MTMR8: variants seen among roughly 807,000 people sequenced by gnomAD.
The protein encoded by MTMR8 is phosphatidylinositol-3,5-bisphosphate 3-phosphatase MTMR8.
A neutral mutation model predicts 39.3 loss-of-function variants in MTMR8; 65 were observed. The observed-to-expected ratio is 1.65, with a 90% CI of 1.35 to 2.03. The LOEUF is 2.03. Ranked by LOEUF, MTMR8 falls within the 30% of genes most tolerant of loss-of-function variation. The pLI is 0.00. For missense variants in MTMR8, 777 were observed against 538.9 expected, an observed-to-expected ratio of 1.44 and a Z score of -4.37; for synonymous variants, 245 against 185.2, an observed-to-expected ratio of 1.32 and a Z score of -2.62.
intron 12 of MTMR8, among the ~76,000 whole-genome samples, chrX:64,316,166 T>C (rs1033423452): frequency 1.8e-5 from 2 of 112,450 alleles, no homozygotes; most frequent in African/African-American, 3.2e-5. Flanking sequence ...GAAAAGTCTA[T>C]TGTATTTATA....
At position 64,350,020 on chromosome X, in the gene MTMR8, C is replaced by T. The variant is rs771745691; in HGVS notation, c.519G>A (p.Leu173=). 5 of 1,193,172 alleles carry T rather than the reference C, an allele frequency of 4.2e-6. No individual in the cohort carries two copies. The South Asian group carries it at 7.5e-5, about 18-fold the overall frequency. The change falls in exon 5 of 14, where the codon TTG becomes TTA. Residue 173 remains leucine, a synonymous_variant. Coordinates refer to ENST00000374852, the MANE Select transcript of MTMR8 (RefSeq NM_017677.4). The part of the protein sequence containing the change: ...PEIVVPKSVT[L]GTVVGSSKFR... ...ACTTTGAACTTCCAACCACCGTTCC[C>T]AAGGTAACAGATTTAGGAACCACTA...
At chrX:64,354,957 GA>G in intron 3 of MTMR8, 23 bp from the exon 4 acceptor site, 2 of 1,139,188 alleles carry the variant, frequency 1.8e-6, no homozygotes, top group Non-Finnish European at 2.3e-6. Context: ...GATAGGCATG[GA>G]AAACAAAATG....
Position 64,328,767 on chromosome X carries a change from C to T in MTMR8, c.1481+5G>A. ...AAGAAAGGAGGGAAAAACTTAAGAA[C>T]TTACTGAATGTTGTAGGGCACAGTA... On this transcript the variant is annotated splice_donor_5th_base_variant and intron_variant, in intron 12 of 13. Coordinates refer to ENST00000374852, the MANE Select transcript of MTMR8 (RefSeq NM_017677.4). 1 of 1,151,481 alleles carries T rather than the reference C, an allele frequency of 8.7e-7. No individual in the cohort carries two copies. The highest frequency in any genetic ancestry group is 1.2e-6 in the Non-Finnish European group (1 of 868,907). The allele number at this position is 1,151,481 out of a possible 1,213,427, so 94.9% of individuals were successfully genotyped here. A position where few individuals can be genotyped will look rare whatever the true frequency, so the allele number is the denominator to read the frequency against.
Position 64,348,748 on chromosome X carries a change from C to G in MTMR8, c.644G>C (p.Arg215Pro), listed in dbSNP as rs1015018626. 1.7e-6 allele frequency: 2 copies of G among 1,210,453 alleles called. No individual in the cohort carries two copies. Among genetic ancestry groups the G allele is most frequent in the Non-Finnish European group, 2.2e-6 (2 of 894,695 alleles). ...CAACAAGAGCTCATCATCTACACAG[C>G]GAGTGTAAAATCCAGAGAGAGGCTG... Reference protein sequence around the residue: ...CSQPLSGFYTRCVDDELLLEA... With the variant: ...CSQPLSGFYTPCVDDELLLEA... Residue 215 changes from arginine (R) to proline (P), a missense_variant, in exon 6 of 14, where the codon CGC becomes CCC. Coordinates refer to ENST00000374852, the MANE Select transcript of MTMR8 (RefSeq NM_017677.4).
chrX:64,393,549 T>C (rs987810734), intron 1 of MTMR8, among the ~76,000 whole-genome samples: 2 of 111,944 alleles, frequency 1.8e-5, no homozygotes, highest in Admixed American at 1.9e-4. Context: ...GTGAGCTGAT[T>C]TTGAACTAGA....
rs148955661 is a variant in MTMR8 at position 64,268,715 on chromosome X, G to A, written c.1937C>T (p.Thr646Met). 5.7e-5 allele frequency: 69 copies of A among 1,209,563 alleles called. No homozygotes were observed. The Middle Eastern group carries it at 6.9e-4, about 12-fold the overall frequency. The change falls in exon 14 of 14, where the codon ACG (threonine) becomes ATG (methionine). Residue 646 changes from threonine (T) to methionine (M), a missense_variant. Transcript: ENST00000374852. Reference protein sequence around the residue: ...ISGDMCTFEATGFSKDLGICG... With the variant: ...ISGDMCTFEAMGFSKDLGICG... ...GATTCCTAAGTCTTTGGAGAAGCCC[G>A]TAGCCTCAAAGGTGCACATGTCTCC...
intron 1 of MTMR8, among the ~76,000 whole-genome samples, chrX:64,363,911 A>G (rs1323973332): frequency 8.9e-6 from 1 of 112,429 alleles, no homozygotes; most frequent in Non-Finnish European, 1.9e-5. Flanking sequence ...CAACAGTATA[A>G]GCAAATGGCA....
At chrX:64,277,187 TG>T (rs1346716193) in intron 12 of MTMR8, among the ~76,000 whole-genome samples, 1 of 112,035 alleles carries the variant, frequency 8.9e-6, no homozygotes, top group Non-Finnish European at 1.9e-5. Flanking sequence ...CAATGGGTCT[TG>T]ACTCTATCCA....
At chrX:64,359,548 A>G (rs752344419) in intron 1 of MTMR8, 21 bp from the exon 2 acceptor site, 24 of 1,187,413 alleles carry the variant, frequency 2.0e-5, no homozygotes, top group Middle Eastern at 2.5e-4. Context: ...AGGAAAAAAT[A>G]CTGAATAAGT....
intron 12 of MTMR8, among the ~76,000 whole-genome samples, chrX:64,316,259 G>A (rs1304543888): frequency 8.9e-6 from 1 of 111,861 alleles, no homozygotes; most frequent in Non-Finnish European, 1.9e-5. Context: ...TCTCTTTAGA[G>A]AACTTCCTTA....
intron 12 of MTMR8, among the ~76,000 whole-genome samples, chrX:64,288,762 G>T (rs967246437): frequency 5.4e-5 from 6 of 110,440 alleles, no homozygotes; most frequent in Admixed American, 9.7e-5. Flanking sequence ...GCAAACTATC[G>T]CAAGGACAAA....
chrX:64,330,820 C>G (rs1229966395), intron 11 of MTMR8, among the ~76,000 whole-genome samples: 1 of 111,589 alleles, frequency 9.0e-6, no homozygotes, highest in African/African-American at 3.3e-5. Flanking sequence ...AGAAAATAGT[C>G]TAGTATTGCC....
chrX:64,353,191 T>G lies in MTMR8; in HGVS notation c.468+1586A>C, dbSNP rs150613217. 6.3e-5 allele frequency among the ~76,000 whole-genome samples: 7 copies of G among 111,881 alleles called. No individual in the cohort carries two copies. The East Asian group carries it at 2.0e-3, about 32-fold the overall frequency. The stretch of plus-strand genomic sequence containing the variant: ...TAGGATATTGGTCTGGGCAAAGACT[T>G]CTCGAGTAAGACCTCAAAAGCATAT... On this transcript the variant is annotated intron_variant, in intron 4 of 13. Coordinates refer to ENST00000374852, the MANE Select transcript of MTMR8 (RefSeq NM_017677.4).
At chrX:64,281,272 G>C (rs1430297723) in intron 12 of MTMR8, among the ~76,000 whole-genome samples, 4 of 111,508 alleles carry the variant, frequency 3.6e-5, no homozygotes, top group African/African-American at 1.3e-4. Context: ...CACAGCTAGA[G>C]GTATCACACT....
At chrX:64,318,991 T>C (rs1429581187) in intron 12 of MTMR8, among the ~76,000 whole-genome samples, 8 of 111,924 alleles carry the variant, frequency 7.1e-5, no homozygotes, top group African/African-American at 2.6e-4. Flanking sequence ...TAAATCTGGT[T>C]TTTATATCTT....
intron 12 of MTMR8, among the ~76,000 whole-genome samples, chrX:64,325,364 C>T (rs764977558): frequency 8.9e-6 from 1 of 111,774 alleles, no homozygotes; most frequent in Non-Finnish European, 1.9e-5. Flanking sequence ...AAGAATATCC[C>T]TGATGAACAC....
chrX:64,328,092 G>A lies in MTMR8; in HGVS notation c.1481+680C>T, dbSNP rs752366787. 1.1e-4 allele frequency among the ~76,000 whole-genome samples: 12 copies of A among 111,819 alleles called. No homozygotes were observed. The South Asian group carries it at 4.5e-3, about 42-fold the overall frequency. On this transcript the variant is annotated intron_variant, in intron 12 of 13. Transcript: ENST00000374852. ...AAAGGAAATTTGTGAAAAACCTACA[G>A]CTAACATCAATACTCAATAGTGAAA...
intron 4 of MTMR8, among the ~76,000 whole-genome samples, chrX:64,350,759 A>G (rs1036727990): frequency 4.5e-5 from 5 of 111,197 alleles, no homozygotes; most frequent in African/African-American, 1.6e-4. Flanking sequence ...GACTTACTCT[A>G]TGAAAAGACT....
intron 1 of MTMR8, among the ~76,000 whole-genome samples, chrX:64,385,052 G>T (rs185655883): frequency 8.9e-6 from 1 of 112,302 alleles, no homozygotes; most frequent in East Asian, 2.8e-4. Flanking sequence ...AGCATAGGCA[G>T]TTAGAAGCAG....
Sources: gnomAD v4.1 joint callset for allele counts (sites outside exome capture counted in the v4.1 genomes callset) on GRCh38, gnomAD v4.1.1 for gene constraint, MANE v1.5 for transcripts, NCBI Gene and HGNC (gene_info 2026-07-23, HGNC 2026-07-21) for gene names.